The following SPHKAP variants were observed in gnomAD, a reference collection of about 807,000 sequenced individuals.
SPHKAP encodes the protein SPHK1 interactor, AKAP domain containing.
A neutral mutation model predicts 137.5 loss-of-function variants in SPHKAP; 67 were observed. The ratio of observed to expected loss-of-function variants is 0.49; its 90% CI spans 0.40 to 0.60. The LOEUF is 0.60. Among genes scored for constraint, SPHKAP ranks in the 20% least tolerant of loss-of-function variants. The probability of loss-of-function intolerance (pLI) is 0.00; values close to 1 mark genes in which losing one functional copy is unlikely to be tolerated. For missense variants in SPHKAP, 2,097 were observed against 2,069.3 expected, an observed-to-expected ratio of 1.01 and a Z score of -0.26; for synonymous variants, 813 against 785.3, an observed-to-expected ratio of 1.04 and a Z score of -0.59.
chr2:228,055,915 G>A (rs1399815179), intron 3 of SPHKAP, among the ~76,000 whole-genome samples: 1 of 152,164 alleles, frequency 6.6e-6, no homozygotes, highest in Admixed American at 6.5e-5. Flanking sequence ...CAGATCCCAG[G>A]GGTGAGAAAT....
chr2:228,029,253 T>A lies in SPHKAP; in HGVS notation c.247-1710A>T, dbSNP rs74506687. 6.7e-3 allele frequency among the ~76,000 whole-genome samples: 1,025 copies of A among 152,376 alleles called. 14 individuals carry two copies. The highest frequency in any genetic ancestry group is 0.022 in the African/African-American group (935 of 41,588). ...AGAACATTAATTACCTGGAATTTAGTTAGACATTTGAACTTTCAGATGCCT... is the reference window on the plus strand; with the variant it reads ...AGAACATTAATTACCTGGAATTTAGATAGACATTTGAACTTTCAGATGCCT... On this transcript the variant is annotated intron_variant, in intron 3 of 11. Transcript: ENST00000392056.
chr2:228,085,805 G>GT (rs894654397), intron 3 of SPHKAP, among the ~76,000 whole-genome samples: 28 of 149,566 alleles, frequency 1.9e-4, no homozygotes, highest in African/African-American at 4.2e-4. Context: ...GGAACCCTGA[G>GT]TTTTTTTTTT....
intron 11 of SPHKAP, among the ~76,000 whole-genome samples, chr2:227,988,229 C>T (rs759408310): frequency 9.9e-5 from 15 of 151,884 alleles, no homozygotes; most frequent in Admixed American, 2.0e-4. Flanking sequence ...TACTCGTATT[C>T]GTGGAAAAGC....
chr2:228,002,377 A>C (rs1693942707), intron 7 of SPHKAP, among the ~76,000 whole-genome samples: 1 of 152,162 alleles, frequency 6.6e-6, no homozygotes. Flanking sequence ...TCTTTTGAGA[A>C]GTGTCTGCTC....
intron 3 of SPHKAP, among the ~76,000 whole-genome samples, chr2:228,049,664 C>T (rs963368728): frequency 1.3e-5 from 2 of 152,180 alleles, no homozygotes; most frequent in Non-Finnish European, 2.9e-5. Flanking sequence ...TCTCTTCCTG[C>T]TCTAGCAGTC....
At chr2:228,122,966 A>G (rs1274259057) in intron 2 of SPHKAP, among the ~76,000 whole-genome samples, 2 of 152,068 alleles carry the variant, frequency 1.3e-5, no homozygotes, top group Non-Finnish European at 2.9e-5. Context: ...CTAAGTAGTC[A>G]TTCTCCTGTT....
At position 228,040,028 on chromosome 2, in the gene SPHKAP, A is replaced by AT. The variant is rs534631730; in HGVS notation, c.247-12486dup. ...TGAGCCCTTTGATTTCCTCTGCTTG[A>AT]TTTTTTTTCATTTTTCCTAAAGTTA... On this transcript the variant is annotated intron_variant, in intron 3 of 11. Transcript: ENST00000392056. Among the ~76,000 whole-genome samples, 100 of 151,944 alleles carry AT rather than the reference A, an allele frequency of 6.6e-4. 1 individual carries two copies. In the South Asian group the frequency reaches 0.011, roughly 17 times the overall value.
chr2:228,169,690 G>A (rs944034491), intron 1 of SPHKAP: 1 of 152,082 alleles, frequency 6.6e-6, no homozygotes, highest in East Asian at 1.9e-4. Flanking sequence ...TGTAGCCCAA[G>A]GATCAAGGAG....
intron 7 of SPHKAP, among the ~76,000 whole-genome samples, chr2:228,000,456 A>C (rs1693812208): frequency 6.6e-6 from 1 of 152,026 alleles, no homozygotes; most frequent in African/African-American, 2.4e-5. Flanking sequence ...ATCTCTACTA[A>C]ATATACAAAA....
intron 7 of SPHKAP, among the ~76,000 whole-genome samples, chr2:228,011,656 G>T (rs759426043): frequency 3.3e-5 from 5 of 152,020 alleles, no homozygotes; most frequent in Non-Finnish European, 7.4e-5. Context: ...TTTAGACAGG[G>T]GTACCAAACA....
chr2:228,112,511 C>T (rs1002044433), intron 2 of SPHKAP, among the ~76,000 whole-genome samples: 1 of 152,112 alleles, frequency 6.6e-6, no homozygotes, highest in African/African-American at 2.4e-5. Context: ...TGACAGAGTT[C>T]GAAACGCAAT....
rs766082431 is a variant in SPHKAP, at chr2:228,016,679, G to A, written c.4175C>T (p.Ser1392Phe). The A allele has an allele frequency of 6.2e-7, 1 of 1,614,118 alleles. No homozygotes were observed. The highest frequency in any genetic ancestry group is 8.5e-7 in the Non-Finnish European group (1 of 1,180,030). ...ATCTAAAGGGCTGTGGTTTGTAAGAGAAGCAGTTTTGCTCAAAGATGACAC... is the reference window on the plus strand; with the variant it reads ...ATCTAAAGGGCTGTGGTTTGTAAGAAAAGCAGTTTTGCTCAAAGATGACAC... ...PPVSSLSKTA[S>F]LTNHSPLDSK... The change falls in exon 7 of 12, where the codon TCT becomes TTT. Residue 1392 changes from serine to phenylalanine, a missense_variant. Transcript: ENST00000392056.
chr2:228,137,074 A>C (rs1699457327), intron 1 of SPHKAP, among the ~76,000 whole-genome samples: 1 of 150,770 alleles, frequency 6.6e-6, no homozygotes, highest in African/African-American at 2.4e-5. Flanking sequence ...CCTCGTTCCC[A>C]CCCACATATT....
chr2:227,983,703 T>C (rs1370746879), intron 11 of SPHKAP, among the ~76,000 whole-genome samples: 3 of 152,212 alleles, frequency 2.0e-5, no homozygotes, highest in African/African-American at 7.2e-5. Flanking sequence ...GAGTTTTAGG[T>C]AATGTATTTT....
At chr2:228,147,333 T>C (rs1332057360) in intron 1 of SPHKAP, among the ~76,000 whole-genome samples, 11 of 152,220 alleles carry the variant, frequency 7.2e-5, no homozygotes, top group Non-Finnish European at 1.6e-4. Context: ...AAATCATACA[T>C]ATAAACCGTG....
intron 11 of SPHKAP, chr2:227,982,275 T>A (rs1365480302): frequency 1.0e-6 from 1 of 985,264 alleles, no homozygotes; most frequent in Admixed American, 6.2e-5. Flanking sequence ...TGTGTAAATT[T>A]AGGCCAAATA....
chr2:228,005,429 T>A (rs1694091168), intron 7 of SPHKAP, among the ~76,000 whole-genome samples: 2 of 152,248 alleles, frequency 1.3e-5, no homozygotes, highest in African/African-American at 4.8e-5. Context: ...TTCCTTTATT[T>A]TGAGCCTATG....
Position 228,154,506 on chromosome 2 carries a change from C to CTATATATATA in SPHKAP, c.33-22422_33-22421insTATATATATA, listed in dbSNP as rs1397617929. 2.2e-3 allele frequency among the ~76,000 whole-genome samples: 65 copies of CTATATATATA among 29,864 alleles called. 1 individual carries two copies. Among genetic ancestry groups the CTATATATATA allele is most frequent in the Non-Finnish European group, 3.0e-3 (48 of 15,982 alleles). 19.6% of individuals were successfully genotyped at this position (29,864 alleles called of 152,430 possible). A position where few individuals can be genotyped will look rare whatever the true frequency, so the allele number is the denominator to read the frequency against. On this transcript the variant is annotated intron_variant, in intron 1 of 11. Coordinates refer to ENST00000392056, the MANE Select transcript of SPHKAP (RefSeq NM_001142644.2). ...ACTCTCTCTCTCTCTCTCTCTCTCT[C>CTATATATATA]TCTCTCTATATATATATATATATAT...
At chr2:227,991,977 C>T (rs1693430250) in intron 9 of SPHKAP, among the ~76,000 whole-genome samples, 1 of 152,060 alleles carries the variant, frequency 6.6e-6, no homozygotes, top group South Asian at 2.1e-4. Flanking sequence ...TGAAGTATTT[C>T]ATTAGATATG....
Sources: allele counts gnomAD v4.1 joint callset (sites outside exome capture counted in the v4.1 genomes callset), GRCh38; gene constraint gnomAD v4.1.1; transcripts MANE v1.5; gene names NCBI Gene and HGNC (gene_info 2026-07-23, HGNC 2026-07-21).